RAPGEF2: variants seen among roughly 807,000 people sequenced by gnomAD.
RAPGEF2 encodes Rap guanine nucleotide exchange factor 2.
A neutral mutation model predicts 186.7 loss-of-function variants in RAPGEF2; 54 were observed. The ratio of observed to expected loss-of-function variants is 0.29; its 90% CI spans 0.23 to 0.36. RAPGEF2 has a LOEUF of 0.36. RAPGEF2 is among the 10% of genes least tolerant of loss of function. The probability of loss-of-function intolerance (pLI) is 1.00; values close to 1 mark genes in which losing one functional copy is unlikely to be tolerated. For missense variants in RAPGEF2, 1,532 were observed against 2,045.0 expected, an observed-to-expected ratio of 0.75 and a Z score of 4.84; for synonymous variants, 712 against 705.9, an observed-to-expected ratio of 1.01 and a Z score of -0.14.
At chr4:159,122,153 T>C (rs1302000579) in intron 1 of RAPGEF2, among the ~76,000 whole-genome samples, 2 of 151,638 alleles carry the variant, frequency 1.3e-5, no homozygotes, top group African/African-American at 4.9e-5. Context: ...CTATTTTATA[T>C]ATGACAATAA....
intron 7 of RAPGEF2, among the ~76,000 whole-genome samples, chr4:159,280,034 A>G (rs1444134643): frequency 2.0e-5 from 3 of 152,168 alleles, no homozygotes; most frequent in African/African-American, 4.8e-5. Context: ...GCAGGTCACC[A>G]TGCTTATCTG....
rs779862898 is a variant in RAPGEF2, at chr4:159,352,907, T to C, written c.4088T>C (p.Leu1363Ser). 6.2e-7 allele frequency: 1 copy of C among 1,609,696 alleles called. No homozygotes were observed. Among genetic ancestry groups the C allele is most frequent in the Admixed American group, 1.7e-5 (1 of 59,706 alleles). ...ATGATTGAACCTGATCAGTATAGCT[T>C]GGGGTAGGTGGCTCTTTTTAATATT... Reference protein sequence around the residue: ...RTMIEPDQYSLGSYAPMSEGR... With the variant: ...RTMIEPDQYSSGSYAPMSEGR... The change falls in exon 27 of 30, where the codon TTG becomes TCG. Residue 1363 changes from leucine (L) to serine (S), a missense_variant. Leu to Ser is a moderately radical substitution (Grantham distance 145, BLOSUM62 -2). This residue lies in a region of RAPGEF2 where 594 missense variants were observed against 608.5 expected (regional missense o/e 0.98). Transcript: ENST00000691494.
intron 1 of RAPGEF2, among the ~76,000 whole-genome samples, chr4:159,174,954 G>A (rs1746309782): frequency 6.6e-6 from 1 of 151,984 alleles, no homozygotes; most frequent in African/African-American, 2.4e-5. Context: ...ATAGAGATGG[G>A]TCTCACTGTG....
At chr4:159,199,089 AG>A (rs1237033218) in intron 3 of RAPGEF2, among the ~76,000 whole-genome samples, 8 of 151,226 alleles carry the variant, frequency 5.3e-5, no homozygotes, top group Non-Finnish European at 1.0e-4. Flanking sequence ...GTGAAACCAA[AG>A]GTTTTAATTT....
intron 3 of RAPGEF2, among the ~76,000 whole-genome samples, chr4:159,203,150 C>A (rs550266669): frequency 2.0e-5 from 3 of 152,262 alleles, no homozygotes; most frequent in East Asian, 1.9e-4. Context: ...CAGCTCTTTC[C>A]CATGGAGAGA....
At chr4:159,104,527 G>GACA (rs1560964822) in intron 1 of RAPGEF2, among the ~76,000 whole-genome samples, 17 of 88,504 alleles carry the variant, frequency 1.9e-4, no homozygotes, top group African/African-American at 6.3e-4. Context: ...AGAGAGAGAG[G>GACA]GAGAGACAGA....
At chr4:159,225,558 C>A (rs1751949330) in intron 4 of RAPGEF2, among the ~76,000 whole-genome samples, 1 of 152,130 alleles carries the variant, frequency 6.6e-6, no homozygotes, top group Admixed American at 6.5e-5. Flanking sequence ...TAAGGAACTC[C>A]CACACTGTTT....
At chr4:159,332,207 T>C (rs181209242) in intron 16 of RAPGEF2, among the ~76,000 whole-genome samples, 173 bp downstream of exon 16, 51 of 152,236 alleles carry the variant, frequency 3.4e-4, no homozygotes, top group Admixed American at 3.3e-3. Context: ...AAATCTTTTA[T>C]TGATAAATAC....
intron 29 of RAPGEF2, 25 bp from the exon 30 acceptor site, chr4:159,358,088 CT>C: frequency 1.2e-6 from 2 of 1,608,406 alleles, no homozygotes; most frequent in South Asian, 1.1e-5. Context: ...TCATTGATTT[CT>C]TTTTCTTCCC....
At chr4:159,178,851 G>A (rs538987250) in intron 1 of RAPGEF2, among the ~76,000 whole-genome samples, 5 of 152,180 alleles carry the variant, frequency 3.3e-5, no homozygotes, top group African/African-American at 1.2e-4. Flanking sequence ...GAGCCACCAC[G>A]CCTGACCTAG....
intron 1 of RAPGEF2, among the ~76,000 whole-genome samples, chr4:159,113,393 T>G (rs1271634703): frequency 6.6e-6 from 1 of 152,194 alleles, no homozygotes; most frequent in Non-Finnish European, 1.5e-5. Context: ...GAAGCATAGC[T>G]TTTGAAGTTT....
Position 159,323,444 on chromosome 4 carries a change from AT to A in RAPGEF2, c.991-8del. 1.5e-5 allele frequency: 23 copies of A among 1,574,576 alleles called. No individual in the cohort carries two copies. Among genetic ancestry groups the A allele is most frequent in the South Asian group, 5.9e-5 (5 of 84,964 alleles). On this transcript the variant is annotated splice_polypyrimidine_tract_variant and intron_variant, in intron 10 of 29. Coordinates refer to ENST00000691494, the MANE Select transcript of RAPGEF2 (RefSeq NM_001394067.2). ...TGATGTTACTTTCTGCTTTGTCTTT[AT>A]TTTTTTGGATTAGCTGGACTCCTGG...
chr4:159,185,749 A>G (rs760068110), intron 1 of RAPGEF2, among the ~76,000 whole-genome samples: 30 of 152,186 alleles, frequency 2.0e-4, no homozygotes, highest in Admixed American at 1.4e-3. Flanking sequence ...AGTGAGATAG[A>G]TTGTACAACA....
rs565798652 is a variant in RAPGEF2 at position 159,342,942 on chromosome 4, T to C, written c.2919-37T>C. Reference sequence around the variant, plus strand: ...ATAAATAATCTGTACACTATTTTACTTTAGTTGTTATACCATGTTTCTTTT... The same window carrying C: ...ATAAATAATCTGTACACTATTTTACCTTAGTTGTTATACCATGTTTCTTTT... On this transcript the variant is annotated intron_variant, in intron 20 of 29. Transcript: ENST00000691494. The C allele has an allele frequency of 1.1e-4, 167 of 1,560,134 alleles. 1 individual carries two copies. In the East Asian group the frequency reaches 3.2e-3, roughly 30 times the overall value.
intron 7 of RAPGEF2, among the ~76,000 whole-genome samples, chr4:159,247,542 C>G (rs1247536556): frequency 6.6e-6 from 1 of 152,092 alleles, no homozygotes; most frequent in Non-Finnish European, 1.5e-5. Flanking sequence ...GAGACTGAAG[C>G]AGAGGTGTGA....
intron 7 of RAPGEF2, among the ~76,000 whole-genome samples, chr4:159,246,664 T>C (rs1317827938): frequency 6.6e-6 from 1 of 152,188 alleles, no homozygotes; most frequent in Non-Finnish European, 1.5e-5. Flanking sequence ...GTTTCCGTGA[T>C]TGTGCACATT....
At chr4:159,162,046 T>G (rs138067726) in intron 1 of RAPGEF2, among the ~76,000 whole-genome samples, 61 of 152,278 alleles carry the variant, frequency 4.0e-4, no homozygotes, top group African/African-American at 1.4e-3. Context: ...TAAATTTTGT[T>G]CATTTATATG....
At chr4:159,312,434 T>G (rs1561260338) in intron 8 of RAPGEF2, among the ~76,000 whole-genome samples, 2 of 152,178 alleles carry the variant, frequency 1.3e-5, no homozygotes. Context: ...TGACCTATTT[T>G]CTCTAACCAC....
intron 1 of RAPGEF2, among the ~76,000 whole-genome samples, chr4:159,120,209 A>G (rs1231593627): frequency 6.6e-6 from 1 of 152,066 alleles, no homozygotes; most frequent in Non-Finnish European, 1.5e-5. Context: ...TAGTAGAGAC[A>G]GGGTTTCGCC....
Sources: gnomAD v4.1 joint callset for allele counts (sites outside exome capture counted in the v4.1 genomes callset) on GRCh38, gnomAD v4.1.1 for gene constraint, gnomAD v4.1.1 regional missense constraint, MANE v1.5 for transcripts, NCBI Gene and HGNC (gene_info 2026-07-23, HGNC 2026-07-21) for gene names.